DRD3: variants seen among roughly 807,000 people sequenced by gnomAD.
DRD3 encodes dopamine receptor D3, also known as D(3) dopamine receptor.
DRD3 carries 19 observed loss-of-function variants against 36.3 expected under a neutral mutation model. The observed-to-expected ratio is 0.52, with a 90% CI of 0.36 to 0.77. The LOEUF (loss-of-function observed/expected upper bound fraction) is 0.77, where lower values mean the gene tolerates loss of function less well. DRD3 is among the 30% of genes least tolerant of loss of function. The pLI is 0.00. For missense variants in DRD3, 465 were observed against 505.3 expected, an observed-to-expected ratio of 0.92 and a Z score of 0.77; for synonymous variants, 195 against 203.7, an observed-to-expected ratio of 0.96 and a Z score of 0.36.
At chr3:114,169,798 A>G (rs2077822360) in intron 2 of DRD3, among the ~76,000 whole-genome samples, 1 of 152,148 alleles carries the variant, frequency 6.6e-6, no homozygotes, top group Non-Finnish European at 1.5e-5. Context: ...AAAAGTCACA[A>G]TGTCTATCTC....
intron 4 of DRD3, 80 bp from the exon 5 acceptor site, chr3:114,139,776 A>C: frequency 4.4e-6 from 6 of 1,374,414 alleles, no homozygotes; most frequent in South Asian, 1.3e-5. Context: ...GCTCCATGTC[A>C]CGTGTGGTGC....
chr3:114,129,531 C>T (rs1174261520), intron 6 of DRD3, among the ~76,000 whole-genome samples: 5 of 152,210 alleles, frequency 3.3e-5, no homozygotes, highest in South Asian at 4.1e-4. Context: ...TCAATTCAGA[C>T]GTTTATTTAA....
At chr3:114,155,267 C>T (rs2077655141) in intron 3 of DRD3, among the ~76,000 whole-genome samples, 1 of 152,168 alleles carries the variant, frequency 6.6e-6, no homozygotes, top group African/African-American at 2.4e-5. Flanking sequence ...ATAATGAACC[C>T]AGCTTTTCCA....
At chr3:114,178,541 A>C (rs771302402) in intron 1 of DRD3, 116 bp downstream of exon 1, 3 of 152,136 alleles carry the variant, frequency 2.0e-5, no homozygotes, top group Admixed American at 6.5e-5. Flanking sequence ...TTTAAATAAG[A>C]GTGGATATTG....
At position 114,159,770 on chromosome 3, in the gene DRD3, G is replaced by A; in HGVS notation, c.368C>T (p.Ala123Val). Residue 123 changes from alanine (A) to valine (V), a missense_variant, in exon 3 of 7, where the codon GCC (alanine) becomes GTC (valine). By Grantham distance (64) the Ala-to-Val change is moderately conservative. Transcript: ENST00000383673. ...GCAGCCCTACCTGTCTATGCTGATG[G>A]CACAGAGATTAAGGATGCTGGCTGT... The part of the protein sequence containing the change: ...MCTASILNLC[A>V]ISIDRYTAVV... 1.9e-6 allele frequency: 3 copies of A among 1,613,922 alleles called. No homozygotes were observed. In the South Asian group the frequency reaches 3.3e-5, roughly 18 times the overall value.
intron 4 of DRD3, among the ~76,000 whole-genome samples, chr3:114,146,483 C>T (rs570630376): frequency 1.3e-3 from 197 of 151,990 alleles, no homozygotes; most frequent in Non-Finnish European, 2.4e-3. Flanking sequence ...TTTGGGAGGC[C>T]GAGGCGGGCT....
intron 3 of DRD3, among the ~76,000 whole-genome samples, chr3:114,157,831 A>G (rs1371803575): frequency 6.6e-6 from 1 of 152,174 alleles, no homozygotes; most frequent in Non-Finnish European, 1.5e-5. Context: ...GGCCAGGCAC[A>G]GTGGCTCACA....
At position 114,127,640 on chromosome 3, in the gene DRD3, T is replaced by C. The variant is rs1350529848; in HGVS notation, c.*1076A>G. 1.3e-5 allele frequency among the ~76,000 whole-genome samples: 2 copies of C among 152,236 alleles called. No individual in the cohort carries two copies. Among genetic ancestry groups the C allele is most frequent in the Non-Finnish European group, 2.9e-5 (2 of 68,046 alleles). ...ATTAAGTATTACGTACTGTACACAA[T>C]TGTATACTTTTACACGACTGGCAGC... is the stretch of plus-strand genomic sequence containing the variant. On this transcript the variant is annotated 3_prime_UTR_variant, in exon 7 of 7. Coordinates refer to ENST00000383673, the MANE Select transcript of DRD3 (RefSeq NM_000796.6).
chr3:114,143,894 T>A (rs2077548602), intron 4 of DRD3, among the ~76,000 whole-genome samples: 1 of 152,262 alleles, frequency 6.6e-6, no homozygotes, highest in African/African-American at 2.4e-5. Context: ...TCTAGATTTT[T>A]AAAAATAACA....
chr3:114,192,270 C>T (rs571008812), intron 1 of DRD3, among the ~76,000 whole-genome samples: 1 of 152,220 alleles, frequency 6.6e-6, no homozygotes, highest in East Asian at 1.9e-4. Context: ...TATTGTTTTG[C>T]TTCTTGGATT....
chr3:114,144,114 C>A (rs984694240), intron 4 of DRD3, among the ~76,000 whole-genome samples: 3 of 152,218 alleles, frequency 2.0e-5, no homozygotes, highest in Non-Finnish European at 4.4e-5. Flanking sequence ...GCCAGCCAGG[C>A]CCCTGCCTCG....
intron 2 of DRD3, among the ~76,000 whole-genome samples, chr3:114,164,000 A>G (rs1420154189): frequency 2.0e-5 from 3 of 151,758 alleles, no homozygotes; most frequent in African/African-American, 7.3e-5. Flanking sequence ...GCAGGTGGAT[A>G]ACTTGAGGTC....
chr3:114,185,341 C>G (rs2077969738), intron 1 of DRD3, among the ~76,000 whole-genome samples: 2 of 152,120 alleles, frequency 1.3e-5, no homozygotes, highest in African/African-American at 4.8e-5. Context: ...TTCATTGTAT[C>G]TGCAAGTTTG....
At chr3:114,130,675 G>C (rs567547745) in intron 6 of DRD3, among the ~76,000 whole-genome samples, 2 of 151,944 alleles carry the variant, frequency 1.3e-5, no homozygotes, top group African/African-American at 4.8e-5. Flanking sequence ...TGCCCACCTC[G>C]GCCTCCCAAA....
intron 1 of DRD3, among the ~76,000 whole-genome samples, chr3:114,193,134 C>T (rs961244219): frequency 6.6e-6 from 1 of 152,110 alleles, no homozygotes; most frequent in African/African-American, 2.4e-5. Flanking sequence ...AAAAAATTAG[C>T]TGGGCGTGGT....
chr3:114,171,648 C>T, intron 2 of DRD3, 75 bp downstream of exon 2: 1 of 1,441,002 alleles, frequency 6.9e-7, no homozygotes, highest in Admixed American at 2.6e-5. Flanking sequence ...GTCTTTTGAG[C>T]CCCAAAGGCC....
intron 1 of DRD3, among the ~76,000 whole-genome samples, 199 bp from the exon 2 acceptor site, chr3:114,172,226 A>G (rs1469697503): frequency 2.6e-5 from 4 of 152,260 alleles, no homozygotes; most frequent in African/African-American, 9.6e-5. Flanking sequence ...CTCCCATTCT[A>G]GAGGAGAAGA....
At chr3:114,188,210 C>CTTT (rs57147337) in intron 1 of DRD3, among the ~76,000 whole-genome samples, 37 of 122,880 alleles carry the variant, frequency 3.0e-4, no homozygotes, top group Non-Finnish European at 3.3e-4. Context: ...CTTTTTTTCC[C>CTTT]TTTTTTTTTT....
At chr3:114,179,915 C>T (rs1358172609), upstream of DRD3, among the ~76,000 whole-genome samples, 5 of 152,280 alleles carry the variant, frequency 3.3e-5, no homozygotes, top group East Asian at 7.7e-4. Flanking sequence ...CATTTTAATG[C>T]ATTGCTCCTT....
Sources: gnomAD v4.1 joint callset for allele counts (sites outside exome capture counted in the v4.1 genomes callset) on GRCh38, gnomAD v4.1.1 for gene constraint, MANE v1.5 for transcripts, NCBI Gene and HGNC (gene_info 2026-07-23, HGNC 2026-07-21) for gene names.